The following PDE1C variants were observed in gnomAD, a reference collection of about 807,000 sequenced individuals.
PDE1C encodes the protein phosphodiesterase 1C, also known as dual specificity calcium/calmodulin-dependent 3',5'-cyclic nucleotide phosphodiesterase 1C.
Under a neutral mutation model 93.1 loss-of-function variants are expected in PDE1C, and 62 were observed. The ratio of observed to expected loss-of-function variants is 0.67; its 90% CI spans 0.54 to 0.82. PDE1C has a LOEUF of 0.82. Ranked by LOEUF, PDE1C falls within the 40% of genes least tolerant of loss-of-function variation. PDE1C has a pLI of 0.00. For synonymous variants in PDE1C, 325 were observed against 310.1 expected, an observed-to-expected ratio of 1.05 and a Z score of -0.50; for missense variants, 742 against 884.6, an observed-to-expected ratio of 0.84 and a Z score of 2.04.
At chr7:31,652,523 G>T in the PDE1C span, 2 of 1,594,556 alleles carry the variant, frequency 1.3e-6, no homozygotes, top group Admixed American at 1.7e-5. Context: ...TTTAGCAGCT[G>T]GAGGTTCTCA....
chr7:31,953,815 A>G (rs550937839), intron 2 of PDE1C, among the ~76,000 whole-genome samples: 78 of 152,308 alleles, frequency 5.1e-4, no homozygotes, highest in Non-Finnish European at 9.7e-4. Context: ...AAAAAAGACA[A>G]TAAGTCTTGT....
intron 2 of PDE1C, among the ~76,000 whole-genome samples, chr7:32,175,002 G>A (rs1802890521): frequency 6.6e-6 from 1 of 152,136 alleles, no homozygotes; most frequent in African/African-American, 2.4e-5. Flanking sequence ...CTCAGTCAAT[G>A]AATCAGAAGG....
At chr7:31,726,542 A>G in the PDE1C span, among the ~76,000 whole-genome samples, 1 of 152,274 alleles carries the variant, frequency 6.6e-6, no homozygotes. Flanking sequence ...AGACAAGGCC[A>G]CTCTGTGTCC....
chr7:31,966,003 C>T (rs1367369822), intron 2 of PDE1C, among the ~76,000 whole-genome samples: 2 of 152,230 alleles, frequency 1.3e-5, no homozygotes, highest in African/African-American at 4.8e-5. Context: ...ACTGCAAAAA[C>T]ATGCCAAATT....
At chr7:31,964,822 C>T (rs1563110407) in intron 2 of PDE1C, among the ~76,000 whole-genome samples, 1 of 152,182 alleles carries the variant, frequency 6.6e-6, no homozygotes. Flanking sequence ...TCCGCAGCCA[C>T]CGTTGCTGAT....
intron 1 of PDE1C, among the ~76,000 whole-genome samples, chr7:32,415,716 G>A (rs938094607): frequency 3.6e-5 from 5 of 140,494 alleles, no homozygotes; most frequent in Non-Finnish European, 7.4e-5. Flanking sequence ...AGGGGCCAGG[G>A]AACAAAGCGC....
rs996193885 is a variant in PDE1C at position 32,295,851 on chromosome 7, G to A, written c.85+2800C>T. Among the ~76,000 whole-genome samples the A allele has an allele frequency of 2.8e-4, 42 of 148,376 alleles. 1 individual carries two copies. Among genetic ancestry groups the A allele is most frequent in the African/African-American group, 9.5e-4 (38 of 39,874 alleles). ...GGAGCTTGCAGTGAGCTGAGATCGG[G>A]TCACTGCACTCCAGCCCGGGTGAGA... On this transcript the variant is annotated intron_variant, in intron 1 of 18. Coordinates refer to the PDE1C transcript ENST00000396193.
At chr7:32,184,493 C>A (rs889892481) in intron 2 of PDE1C, among the ~76,000 whole-genome samples, 3 of 152,180 alleles carry the variant, frequency 2.0e-5, no homozygotes, top group African/African-American at 7.2e-5. Context: ...AGTTCATGTC[C>A]TTTGTAGGGA....
At chr7:32,387,726 G>T (rs1470492250) in intron 1 of PDE1C, among the ~76,000 whole-genome samples, 1 of 134,240 alleles carries the variant, frequency 7.4e-6, no homozygotes, top group African/African-American at 3.0e-5. Flanking sequence ...GCCGGGCAGA[G>T]GGGCTCCTCA....
At chr7:31,691,797 T>TAAAAAAAAAAAAAAA in the PDE1C span, among the ~76,000 whole-genome samples, 24 of 86,534 alleles carry the variant, frequency 2.8e-4, no homozygotes, top group Non-Finnish European at 4.2e-4. Context: ...ATGTAATGAT[T>TAAAAAAAAAAAAAAA]AAAAAAAAAA....
intron 1 of PDE1C, among the ~76,000 whole-genome samples, chr7:32,411,504 T>C (rs944737810): frequency 2.0e-5 from 3 of 152,182 alleles, no homozygotes; most frequent in African/African-American, 7.2e-5. Context: ...AAATGTGGTA[T>C]AAAAGATTTT....
chr7:32,024,613 G>A (rs577634252), intron 2 of PDE1C, among the ~76,000 whole-genome samples: 3 of 152,012 alleles, frequency 2.0e-5, no homozygotes, highest in African/African-American at 7.2e-5. Flanking sequence ...ACAACTAAGA[G>A]AGAGCAAAGA....
chr7:31,655,947 C>T, the PDE1C span: 1 of 985,310 alleles, frequency 1.0e-6, no homozygotes, highest in Non-Finnish European at 1.2e-6. Context: ...CTGCTCATCC[C>T]TCAGATGAAT....
intron 3 of PDE1C, among the ~76,000 whole-genome samples, chr7:32,086,474 T>C (rs1466325442): frequency 6.6e-6 from 1 of 152,144 alleles, no homozygotes; most frequent in Non-Finnish European, 1.5e-5. Context: ...AAGCTACCAA[T>C]GACTTTCTTC....
intron 3 of PDE1C, among the ~76,000 whole-genome samples, chr7:32,153,694 C>T (rs1801396455): frequency 6.6e-6 from 1 of 152,032 alleles, no homozygotes; most frequent in Admixed American, 6.6e-5. Context: ...ATAGAGCCCA[C>T]GTAGTGTAGT....
intron 2 of PDE1C, among the ~76,000 whole-genome samples, chr7:31,895,239 G>A (rs956803370): frequency 6.6e-6 from 1 of 152,146 alleles, no homozygotes; most frequent in Non-Finnish European, 1.5e-5. Flanking sequence ...GGGACAGAGG[G>A]TCAGGGATCA....
At chr7:31,619,946 G>C in the PDE1C span, among the ~76,000 whole-genome samples, 1 of 152,184 alleles carries the variant, frequency 6.6e-6, no homozygotes, top group Non-Finnish European at 1.5e-5. Flanking sequence ...CGGCGCACCA[G>C]GAGACTATAT....
At chr7:32,262,923 T>C (rs1319919634) in intron 1 of PDE1C, among the ~76,000 whole-genome samples, 3 of 152,272 alleles carry the variant, frequency 2.0e-5, no homozygotes, top group Non-Finnish European at 4.4e-5. Context: ...TAGTCCTCAC[T>C]TACAAAGTTC....
At chr7:32,253,657 A>G (rs1321876490) in intron 1 of PDE1C, among the ~76,000 whole-genome samples, 1 of 152,236 alleles carries the variant, frequency 6.6e-6, no homozygotes, top group East Asian at 1.9e-4. Flanking sequence ...AATTCAAATG[A>G]ATATTTCTGT....
Sources: allele counts gnomAD v4.1 joint callset (sites outside exome capture counted in the v4.1 genomes callset), GRCh38; gene constraint gnomAD v4.1.1; transcripts MANE v1.5; gene names NCBI Gene and HGNC (gene_info 2026-07-23, HGNC 2026-07-21).